The following CEP112 variants were observed in gnomAD, a reference collection of about 807,000 sequenced individuals.
The protein encoded by CEP112 is centrosomal protein of 112 kDa.
CEP112 carries 127 observed loss-of-function variants against 153.0 expected under a neutral mutation model. The observed-to-expected ratio is 0.83, with a 90% CI of 0.72 to 0.96. CEP112 has a LOEUF of 0.96. Among genes scored for constraint, CEP112 ranks in the 40% least tolerant of loss-of-function variants. The probability of loss-of-function intolerance (pLI) is 0.00; values close to 1 mark genes in which losing one functional copy is unlikely to be tolerated. For missense variants in CEP112, 1,089 were observed against 1,101.2 expected, an observed-to-expected ratio of 0.99 and a Z score of 0.16; for synonymous variants, 358 against 374.4, an observed-to-expected ratio of 0.96 and a Z score of 0.51.
chr17:66,108,727 TA>T (rs2068889972), intron 6 of CEP112, among the ~76,000 whole-genome samples: 1 of 152,016 alleles, frequency 6.6e-6, no homozygotes, highest in Non-Finnish European at 1.5e-5. Context: ...AAATTAAAAA[TA>T]GAATTAACAT....
At chr17:65,740,177 C>T (rs1252024343) in intron 23 of CEP112, among the ~76,000 whole-genome samples, 1 of 152,100 alleles carries the variant, frequency 6.6e-6, no homozygotes, top group Non-Finnish European at 1.5e-5. Flanking sequence ...CTTATATATG[C>T]TCTCCAACGT....
intron 21 of CEP112, among the ~76,000 whole-genome samples, chr17:65,847,313 C>G (rs940257352): frequency 3.3e-5 from 5 of 152,174 alleles, no homozygotes; most frequent in African/African-American, 1.2e-4. Flanking sequence ...GCAGGATACC[C>G]ATGCTCCCTC....
intron 11 of CEP112, among the ~76,000 whole-genome samples, chr17:66,062,509 A>G (rs2066962702): frequency 6.6e-6 from 1 of 152,088 alleles, no homozygotes; most frequent in South Asian, 2.1e-4. Context: ...ATCACACTGT[A>G]CCCTAAAAAA....
chr17:65,909,730 A>T (rs2143780644), intron 19 of CEP112, among the ~76,000 whole-genome samples: 1 of 152,330 alleles, frequency 6.6e-6, no homozygotes, highest in South Asian at 2.1e-4. Flanking sequence ...AAACAAGGAA[A>T]GAAGAATAAT....
chr17:65,960,340 T>C (rs150263052), intron 18 of CEP112, among the ~76,000 whole-genome samples: 1 of 152,318 alleles, frequency 6.6e-6, no homozygotes, highest in East Asian at 1.9e-4. Context: ...TTCATATTTA[T>C]ATAATTTTTA....
At chr17:65,703,435 T>C (rs2144619152) in intron 23 of CEP112, among the ~76,000 whole-genome samples, 1 of 148,076 alleles carries the variant, frequency 6.8e-6, no homozygotes, top group East Asian at 2.0e-4. Flanking sequence ...TGCTTGAACC[T>C]GGGAGGTGAA....
chr17:65,705,779 A>G (rs2048884947), intron 23 of CEP112, among the ~76,000 whole-genome samples: 1 of 152,232 alleles, frequency 6.6e-6, no homozygotes, highest in Non-Finnish European at 1.5e-5. Flanking sequence ...TTGGATCCTG[A>G]TTCAGACAAA....
At chr17:65,926,972 A>T (rs1300524903) in intron 19 of CEP112, among the ~76,000 whole-genome samples, 2 of 152,120 alleles carry the variant, frequency 1.3e-5, no homozygotes, top group East Asian at 1.9e-4. Flanking sequence ...TTCCCACCCA[A>T]ATCTCATGTT....
At chr17:65,990,613 C>T (rs957014010) in intron 17 of CEP112, among the ~76,000 whole-genome samples, 1 of 152,250 alleles carries the variant, frequency 6.6e-6, no homozygotes, top group African/African-American at 2.4e-5. Flanking sequence ...GTGAACCGCT[C>T]ATCCCAAAGG....
At chr17:66,033,075 T>G (rs1342952066) in intron 12 of CEP112, among the ~76,000 whole-genome samples, 1 of 152,172 alleles carries the variant, frequency 6.6e-6, no homozygotes, top group Non-Finnish European at 1.5e-5. Flanking sequence ...AAACCATTTT[T>G]GCACAAAGCA....
Position 65,961,444 on chromosome 17 carries a change from G to A in CEP112, c.1872+19C>T, listed in dbSNP as rs781253865. 6.4e-7 allele frequency: 1 copy of A among 1,571,130 alleles called. No individual in the cohort carries two copies. Among genetic ancestry groups the A allele is most frequent in the Non-Finnish European group, 8.7e-7 (1 of 1,149,260 alleles). ...TGAGAGAGTGACTTTCAAAAGGGAT[G>A]GTGTGGCAGCCTCCTTACCTGCTCT... is the stretch of plus-strand genomic sequence containing the variant. On this transcript the variant is annotated intron_variant, in intron 18 of 26. Transcript: ENST00000535342.
At chr17:66,109,020 G>A (rs570725044) in intron 6 of CEP112, among the ~76,000 whole-genome samples, 1 of 152,266 alleles carries the variant, frequency 6.6e-6, no homozygotes, top group South Asian at 2.1e-4. Flanking sequence ...GGAACAGAAA[G>A]ACAAACTTGA....
intron 1 of CEP112, among the ~76,000 whole-genome samples, chr17:66,188,286 AACAC>A (rs59802008): frequency 0.038 from 4,163 of 109,422 alleles, 108 homozygotes; most frequent in African/African-American, 0.09. Context: ...CACACACACA[AACAC>A]ACACACACAC....
chr17:66,078,721 G>A (rs1303694112), intron 8 of CEP112, among the ~76,000 whole-genome samples: 1 of 151,972 alleles, frequency 6.6e-6, no homozygotes, highest in East Asian at 1.9e-4. Context: ...TACAGGTCCT[G>A]TGTGATTTAT....
In CEP112 at chr17:66,096,619, C is replaced by T. The variant is rs776010708; in HGVS notation, c.656G>A (p.Arg219Gln). Residue 219 changes from arginine (R) to glutamine (Q), a missense_variant, in exon 7 of 27, where the codon CGA becomes CAA. Arg to Gln is a conservative substitution (Grantham distance 43). Transcript: ENST00000535342. ...NSWNLGIENPRYLRQKPIPVS... is the reference protein window; with the variant it reads ...NSWNLGIENPQYLRQKPIPVS... ...TGGGATAGGCTTCTGTCTCAGGTATCGAGGATTTTCTATCTGAAAATTTAA... is the reference window on the plus strand; with the variant it reads ...TGGGATAGGCTTCTGTCTCAGGTATTGAGGATTTTCTATCTGAAAATTTAA... 9 of 1,587,262 alleles carry T rather than the reference C, an allele frequency of 5.7e-6. No homozygotes were observed. In the East Asian group the frequency reaches 6.7e-5, roughly 12 times the overall value.
chr17:65,738,144 A>G (rs910523298), intron 23 of CEP112, among the ~76,000 whole-genome samples: 4 of 152,244 alleles, frequency 2.6e-5, no homozygotes, highest in African/African-American at 9.6e-5. Context: ...ATTAAGAAAC[A>G]AATCAAAGTA....
At chr17:65,972,010 A>C (rs528573867) in intron 17 of CEP112, among the ~76,000 whole-genome samples, 49 of 152,290 alleles carry the variant, frequency 3.2e-4, no homozygotes, top group African/African-American at 1.1e-3. Flanking sequence ...AAGAATAAAG[A>C]GCTAGGATAA....
intron 18 of CEP112, among the ~76,000 whole-genome samples, chr17:65,951,749 C>CCCCGCCCCG (rs71160510): frequency 3.8e-5 from 4 of 106,240 alleles, no homozygotes; most frequent in Non-Finnish European, 6.0e-5. Context: ...CCCCGCCCCC[C>CCCCGCCCCG]CCTTTCTTCC....
chr17:66,053,685 G>A (rs777566032), intron 12 of CEP112, 51 bp downstream of exon 12: 1 of 1,564,602 alleles, frequency 6.4e-7, no homozygotes, highest in South Asian at 1.2e-5. Context: ...TGAGGACATG[G>A]AAATTGAGAA....
Sources: allele counts gnomAD v4.1 joint callset (sites outside exome capture counted in the v4.1 genomes callset), GRCh38; gene constraint gnomAD v4.1.1; transcripts MANE v1.5; gene names NCBI Gene and HGNC (gene_info 2026-07-23, HGNC 2026-07-21).